Variants in HTR6 observed in about 807,000 individuals in gnomAD.
HTR6 encodes the protein 5-hydroxytryptamine (serotonin) receptor 6, G protein-coupled.
Under a neutral mutation model 17.4 loss-of-function variants are expected in HTR6, and 15 were observed. The ratio of observed to expected loss-of-function variants is 0.86; its 90% CI spans 0.58 to 1.33. HTR6 has a LOEUF of 1.33. Ranked by LOEUF, HTR6 falls within the 40% of genes most tolerant of loss-of-function variation. HTR6 has a pLI of 0.00. For synonymous variants in HTR6, 326 were observed against 295.5 expected (o/e 1.10, Z -1.06); for missense variants, 578 against 616.0 (o/e 0.94, Z 0.65).
rs2100480320 is a variant in HTR6, at chr1:19,680,450, C to T, written c.*1082C>T. Among the ~76,000 whole-genome samples the T allele has an allele frequency of 6.6e-6, 1 of 152,338 alleles. No individual in the cohort carries two copies. The highest frequency in any genetic ancestry group is 2.4e-5 in the African/African-American group (1 of 41,576). On this transcript the variant is annotated 3_prime_UTR_variant, in exon 3 of 3. Transcript: ENST00000289753. ...GCTGCTGCCCTGCCTTTCCTGGGGG[C>T]AAAAGGGGCAGGTGGCAGTTTCTTT...
rs1334513322 is a variant in HTR6 at position 19,679,433 on chromosome 1, C to T, written c.*65C>T. ...AGAACCCAGACCCTGAGTCCTTGGG[C>T]CAGCTCTTGGCTAAGACCAGGAGGC... On this transcript the variant is annotated 3_prime_UTR_variant, in exon 3 of 3. Coordinates refer to ENST00000289753, the MANE Select transcript of HTR6 (RefSeq NM_000871.3). The surrounding 1 kb of genome is among the most constrained non-coding windows in gnomAD (Gnocchi z 4.9). 1 of 1,469,230 alleles carries T rather than the reference C, an allele frequency of 6.8e-7. No individual in the cohort carries two copies. 91.0% of individuals were successfully genotyped at this position (1,469,230 alleles called of 1,614,324 possible). A position where few individuals can be genotyped will look rare whatever the true frequency, so the allele number is the denominator to read the frequency against.
Position 19,680,476 on chromosome 1 carries a change from T to G in HTR6, c.*1108T>G, listed in dbSNP as rs2100480349. Among the ~76,000 whole-genome samples the G allele has an allele frequency of 6.6e-6, 1 of 152,326 alleles. No individual in the cohort carries two copies. Among genetic ancestry groups the G allele is most frequent in the Admixed American group, 6.5e-5 (1 of 15,304 alleles). On this transcript the variant is annotated 3_prime_UTR_variant, in exon 3 of 3. Coordinates refer to ENST00000289753, the MANE Select transcript of HTR6 (RefSeq NM_000871.3). ...AAAAGGGGCAGGTGGCAGTTTCTTT[T>G]TCAGCCTCAGAACTGGTTTTCCTCA...
chr1:19,679,191 A>G lies in HTR6; in HGVS notation c.1146A>G (p.Ser382=), dbSNP rs1421382988. ...TGCCGCCGGACTCAGATTCGGACTC[A>G]GACGCAGGCTCAGGCGGCTCCTCGG... ...LPLPPDSDSD[S]DAGSGGSSGL... Residue 382 remains serine (S), a synonymous_variant, in exon 3 of 3, where the codon TCA becomes TCG. Coordinates refer to ENST00000289753, the MANE Select transcript of HTR6 (RefSeq NM_000871.3). The surrounding 1 kb of genome is among the most constrained non-coding windows in gnomAD (Gnocchi z 4.9). 1 of 1,581,268 alleles carries G rather than the reference A, an allele frequency of 6.3e-7. No homozygotes were observed. Among genetic ancestry groups the G allele is most frequent in the African/African-American group, 1.3e-5 (1 of 74,146 alleles).
chr1:19,676,330 T>A (rs993772178), intron 1 of HTR6, among the ~76,000 whole-genome samples: 1 of 152,184 alleles, frequency 6.6e-6, no homozygotes, highest in African/African-American at 2.4e-5. Flanking sequence ...CCACTTTGAT[T>A]TGAAGCCAGA....
chr1:19,679,015 A>AAG lies in HTR6; in HGVS notation c.970_971insAG (p.Met324LysfsTer131). 1 of 1,614,114 alleles carries AAG rather than the reference A, an allele frequency of 6.2e-7. No homozygotes were observed. Among genetic ancestry groups the AAG allele is most frequent in the Middle Eastern group, 1.6e-4 (1 of 6,062 alleles). ...GAACCCCATCATCTACCCACTCTTC[A>AAG]TGCGGGACTTCAAGCGGGCGCTGGG... is the stretch of plus-strand genomic sequence containing the variant. On this transcript the variant is annotated frameshift_variant, in exon 3 of 3. Coordinates refer to ENST00000289753, the MANE Select transcript of HTR6 (RefSeq NM_000871.3). LOFTEE classifies it low-confidence loss of function (END_TRUNC). This position sits in a 1 kb window ranked among gnomAD's most constrained non-coding sequence, Gnocchi z 4.9.
At chr1:19,670,255 C>T (rs1044318515) in intron 1 of HTR6, among the ~76,000 whole-genome samples, 1 of 151,736 alleles carries the variant, frequency 6.6e-6, no homozygotes, top group East Asian at 1.9e-4. Context: ...TTCCTTCCAG[C>T]CTCTGTTGAA....
At chr1:19,678,078 G>T (rs1219810023) in intron 1 of HTR6, among the ~76,000 whole-genome samples, 2 of 152,222 alleles carry the variant, frequency 1.3e-5, no homozygotes, top group Non-Finnish European at 2.9e-5. Context: ...GGCTTTGGAA[G>T]GTGCTGGGCT....
chr1:19,666,257 G>A lies in HTR6; in HGVS notation c.504G>A (p.Glu168=). 1.2e-6 allele frequency: 2 copies of A among 1,609,590 alleles called. No individual in the cohort carries two copies. The highest frequency in any genetic ancestry group is 8.5e-7 in the Non-Finnish European group (1 of 1,179,546). ...SFLPLLLGWH[E]LGHARPPVPG... ...TGCCCCTGCTGCTGGGCTGGCACGA[G>A]CTGGGCCACGCACGGCCACCCGTCC... The change falls in exon 1 of 3, where the codon GAG becomes GAA. Residue 168 remains glutamate, a synonymous_variant. Transcript: ENST00000289753. This position sits in a 1 kb window ranked among gnomAD's most constrained non-coding sequence, Gnocchi z 4.5.
Position 19,666,534 on chromosome 1 carries a change from C to T in HTR6, c.714+67C>T, listed in dbSNP as rs1278044852. On this transcript the variant is annotated intron_variant, in intron 1 of 2. Transcript: ENST00000289753. This position sits in a 1 kb window ranked among gnomAD's most constrained non-coding sequence, Gnocchi z 4.5. ...AGGAATGAGCAGCCCCTGGGGACCC[C>T]CTGGGCATCCCCACTTAGCACACAT... 11 of 1,181,802 alleles carry T rather than the reference C, an allele frequency of 9.3e-6. No individual in the cohort carries two copies. In the East Asian group the frequency reaches 2.8e-4, roughly 30 times the overall value. The allele number at this position is 1,181,802 out of a possible 1,614,324, so 73.2% of individuals were successfully genotyped here.
intron 1 of HTR6, among the ~76,000 whole-genome samples, chr1:19,671,800 G>A (rs1374054168): frequency 3.9e-5 from 6 of 152,154 alleles, no homozygotes; most frequent in Non-Finnish European, 8.8e-5. Context: ...CTCTCCATAT[G>A]TCTATTTATG....
At position 19,665,719 on chromosome 1, in the gene HTR6, C is replaced by G; in HGVS notation, c.-35C>G. On this transcript the variant is annotated 5_prime_UTR_variant, in exon 1 of 3. Coordinates refer to ENST00000289753, the MANE Select transcript of HTR6 (RefSeq NM_000871.3). The surrounding 1 kb of genome is among the most constrained non-coding windows in gnomAD (Gnocchi z 4.2). ...GGGGCCCTCATCTGCTTTCCCGCCACCCTATCACTCCCTTGCCGTCCACCC... is the reference window on the plus strand; with the variant it reads ...GGGGCCCTCATCTGCTTTCCCGCCAGCCTATCACTCCCTTGCCGTCCACCC... 2 of 1,355,002 alleles carry G rather than the reference C, an allele frequency of 1.5e-6. No individual in the cohort carries two copies. Among genetic ancestry groups the G allele is most frequent in the East Asian group, 5.2e-5 (2 of 38,424 alleles). The allele number at this position is 1,355,002 out of a possible 1,614,324, so 83.9% of individuals were successfully genotyped here. A position where few individuals can be genotyped will look rare whatever the true frequency, so the allele number is the denominator to read the frequency against.
intron 1 of HTR6, among the ~76,000 whole-genome samples, chr1:19,670,803 C>T (rs1017717426): frequency 3.3e-5 from 5 of 152,270 alleles, no homozygotes; most frequent in Non-Finnish European, 5.9e-5. Flanking sequence ...GAATTAGGGG[C>T]ACCTGGCACA....
intron 1 of HTR6, among the ~76,000 whole-genome samples, chr1:19,676,503 T>A (rs746638424): frequency 1.3e-5 from 2 of 152,192 alleles, no homozygotes; most frequent in Admixed American, 6.5e-5. Flanking sequence ...ACGATGTGCT[T>A]CGTCTCCCTG....
rs191296915 is a variant in HTR6, at chr1:19,675,622, T to A, written c.715-2945T>A. 2.6e-5 allele frequency among the ~76,000 whole-genome samples: 4 copies of A among 152,246 alleles called. No individual in the cohort carries two copies. The East Asian group carries it at 7.7e-4, about 29-fold the overall frequency. On this transcript the variant is annotated intron_variant, in intron 1 of 2. Coordinates refer to ENST00000289753, the MANE Select transcript of HTR6 (RefSeq NM_000871.3). ...AATGATTGACCTGAGATATTCCCCCTAGTGCCTCAGTTTCCCCCATGCCCT... is the reference window on the plus strand; with the variant it reads ...AATGATTGACCTGAGATATTCCCCCAAGTGCCTCAGTTTCCCCCATGCCCT...
Position 19,679,323 on chromosome 1 carries a change from G to A in HTR6, c.1278G>A (p.Ala426=), listed in dbSNP as rs202077858. Residue 426 remains alanine, a synonymous_variant, in exon 3 of 3, where the codon GCG becomes GCA. Transcript: ENST00000289753. This position sits in a 1 kb window ranked among gnomAD's most constrained non-coding sequence, Gnocchi z 4.9. The part of the protein sequence containing the change: ...AAVNFFNIDP[A]EPELRPHPLG... Reference sequence around the variant, plus strand: ...TCAATTTCTTCAACATCGACCCCGCGGAGCCCGAGCTGCGGCCGCATCCAC... The same window carrying A: ...TCAATTTCTTCAACATCGACCCCGCAGAGCCCGAGCTGCGGCCGCATCCAC... The A allele has an allele frequency of 1.4e-4, 221 of 1,604,126 alleles. 2 individuals carry two copies. In the African/African-American group the frequency reaches 2.3e-3, roughly 17 times the overall value.
intron 1 of HTR6, among the ~76,000 whole-genome samples, chr1:19,668,334 C>T (rs1470346977): frequency 6.6e-6 from 1 of 152,174 alleles, no homozygotes; most frequent in Non-Finnish European, 1.5e-5. Context: ...TTATAGCTCA[C>T]TGCAGCTTAG....
chr1:19,677,152 C>T (rs2095095379), intron 1 of HTR6, among the ~76,000 whole-genome samples: 2 of 151,830 alleles, frequency 1.3e-5, no homozygotes, highest in Admixed American at 6.6e-5. Context: ...AAGTGTGAAA[C>T]GTTGTTTTCT....
rs200329647 is a variant in HTR6 at position 19,666,162 on chromosome 1, C to T, written c.409C>T (p.Arg137Cys). 5.6e-6 allele frequency: 9 copies of T among 1,611,328 alleles called. No individual in the cohort carries two copies. The highest frequency in any genetic ancestry group is 7.6e-6 in the Non-Finnish European group (9 of 1,179,896). ...LILSPLRYKL[R>C]MTPLRALALV... is the part of the protein sequence containing the mutation. ...CCTCTCGCCGCTGCGCTACAAGCTGCGCATGACGCCCCTGCGTGCCCTGGC... is the reference window on the plus strand; with the variant it reads ...CCTCTCGCCGCTGCGCTACAAGCTGTGCATGACGCCCCTGCGTGCCCTGGC... The change falls in exon 1 of 3, where the codon CGC (arginine) becomes TGC (cysteine). Residue 137 changes from arginine (R) to cysteine (C), a missense_variant. Arg to Cys is a radical substitution (Grantham distance 180). Coordinates refer to ENST00000289753, the MANE Select transcript of HTR6 (RefSeq NM_000871.3). This position sits in a 1 kb window ranked among gnomAD's most constrained non-coding sequence, Gnocchi z 4.5.
chr1:19,672,773 T>C (rs1319464843), intron 1 of HTR6, among the ~76,000 whole-genome samples: 1 of 152,212 alleles, frequency 6.6e-6, no homozygotes, highest in African/African-American at 2.4e-5. Context: ...CTCACAACTG[T>C]AATCCCAACA....
Sources: gnomAD v4.1 joint callset for allele counts (sites outside exome capture counted in the v4.1 genomes callset) on GRCh38, gnomAD v4.1.1 for gene constraint, Gnocchi (gnomAD v3.1) non-coding constraint, MANE v1.5 for transcripts, NCBI Gene and HGNC (gene_info 2026-07-23, HGNC 2026-07-21) for gene names.